Variants in SCARA5 observed in about 807,000 individuals in gnomAD.
SCARA5 encodes the protein scavenger receptor class A member 5.
In SCARA5, 45 loss-of-function variants were observed where a neutral mutation model predicts 46.3. The ratio of observed to expected loss-of-function variants is 0.97; its 90% CI spans 0.76 to 1.24. SCARA5 has a LOEUF of 1.24. Among genes scored for constraint, SCARA5 ranks in the 50% most tolerant of loss-of-function variants. The probability of loss-of-function intolerance (pLI) is 0.00; values close to 1 mark genes in which losing one functional copy is unlikely to be tolerated. For synonymous variants in SCARA5, 333 were observed against 306.5 expected (o/e 1.09, Z -0.90); for missense variants, 680 against 689.0 (o/e 0.99, Z 0.15).
rs775683206 is a variant in SCARA5 at position 27,871,958 on chromosome 8, G to A, written c.1464C>T (p.Ala488=). 5 of 1,614,238 alleles carry A rather than the reference G, an allele frequency of 3.1e-6. No individual in the cohort carries two copies. The highest frequency in any genetic ancestry group is 4.2e-6 in the Non-Finnish European group (5 of 1,180,046). ...GVTNCGHAED[A]SVTCNRH ...TTCAGTGTCTGTTGCATGTCACGCT[G>A]GCATCTTCGGCATGTCCACAGTTTG... The change falls in exon 9 of 9, where the codon GCC becomes GCT. Residue 488 remains alanine (A), a synonymous_variant. Transcript: ENST00000354914.
intron 7 of SCARA5, among the ~76,000 whole-genome samples, chr8:27,890,487 G>A (rs1442527504): frequency 6.6e-6 from 1 of 152,244 alleles, no homozygotes; most frequent in Non-Finnish European, 1.5e-5. Context: ...AACATGACAC[G>A]TGGCTGGCTG....
intron 3 of SCARA5, among the ~76,000 whole-genome samples, chr8:27,958,542 A>G (rs1471268256): frequency 6.6e-6 from 1 of 152,208 alleles, no homozygotes; most frequent in Non-Finnish European, 1.5e-5. Context: ...CCTCTCGGGA[A>G]CTGCACGCGT....
intron 2 of SCARA5, among the ~76,000 whole-genome samples, chr8:27,983,983 G>T (rs1407981200): frequency 6.6e-6 from 1 of 152,138 alleles, no homozygotes; most frequent in East Asian, 1.9e-4. Flanking sequence ...CTTGGAGCTT[G>T]TCCTGGACCT....
chr8:27,961,971 G>T (rs1008641395), intron 3 of SCARA5, among the ~76,000 whole-genome samples: 2 of 152,108 alleles, frequency 1.3e-5, no homozygotes, highest in African/African-American at 4.8e-5. Flanking sequence ...AGAATAGGCA[G>T]AAATTTTTGT....
chr8:27,963,322 G>T (rs1306148398), intron 3 of SCARA5, among the ~76,000 whole-genome samples: 3 of 152,210 alleles, frequency 2.0e-5, no homozygotes, highest in South Asian at 2.1e-4. Context: ...TTTAGTTCAT[G>T]AACTTAAACC....
At chr8:27,977,155 T>C (rs1341872592) in intron 2 of SCARA5, among the ~76,000 whole-genome samples, 1 of 152,172 alleles carries the variant, frequency 6.6e-6, no homozygotes, top group East Asian at 1.9e-4. Context: ...GTCCCTTTTA[T>C]AAGGGCACTT....
intron 2 of SCARA5, among the ~76,000 whole-genome samples, chr8:27,968,412 C>T (rs1563541377): frequency 6.6e-6 from 1 of 152,200 alleles, no homozygotes; most frequent in African/African-American, 2.4e-5. Flanking sequence ...AAATAGAGCA[C>T]ATCTTTCTAA....
chr8:27,934,724 T>C (rs1376901645), intron 3 of SCARA5, among the ~76,000 whole-genome samples: 1 of 152,190 alleles, frequency 6.6e-6, no homozygotes. Flanking sequence ...AGTGGAGCAG[T>C]GGCATGAACC....
At chr8:27,902,596 C>T (rs1807174865) in intron 7 of SCARA5, among the ~76,000 whole-genome samples, 1 of 152,224 alleles carries the variant, frequency 6.6e-6, no homozygotes, top group Admixed American at 6.5e-5. Flanking sequence ...TTTCTGATCT[C>T]AAAGCCATCT....
chr8:27,920,100 A>C (rs1361692774), intron 4 of SCARA5, among the ~76,000 whole-genome samples: 1 of 151,740 alleles, frequency 6.6e-6, no homozygotes, highest in Non-Finnish European at 1.5e-5. Context: ...GAAGAAAGGG[A>C]GTTGGGTCTC....
chr8:27,872,793 CAAAT>C lies in SCARA5; in HGVS notation c.1352-727_1352-724del, dbSNP rs199885649. 6.5e-3 allele frequency among the ~76,000 whole-genome samples: 984 copies of C among 152,320 alleles called. 21 individuals carry two copies. In the East Asian group the frequency reaches 0.083, roughly 13 times the overall value. On this transcript the variant is annotated intron_variant, in intron 8 of 8. Coordinates refer to ENST00000354914, the MANE Select transcript of SCARA5 (RefSeq NM_173833.6). The stretch of plus-strand genomic sequence containing the variant: ...ACCCAAAGCAAATAAAGAAGACTAA[CAAAT>C]AAAGAACAGTTCCAAGGTGACCCAG...
intron 7 of SCARA5, among the ~76,000 whole-genome samples, chr8:27,887,188 G>A (rs556204642): frequency 6.6e-5 from 10 of 152,226 alleles, no homozygotes; most frequent in Admixed American, 3.9e-4. Flanking sequence ...TGACTGCGAG[G>A]CACCTTCACC....
intron 2 of SCARA5, among the ~76,000 whole-genome samples, chr8:27,977,220 C>T (rs1808539400): frequency 6.6e-6 from 1 of 152,198 alleles, no homozygotes; most frequent in African/African-American, 2.4e-5. Context: ...AGAGGCCCCA[C>T]CTCCTAGTCC....
intron 2 of SCARA5, among the ~76,000 whole-genome samples, chr8:27,971,955 C>T (rs1302214913): frequency 6.6e-6 from 1 of 152,130 alleles, no homozygotes; most frequent in Non-Finnish European, 1.5e-5. Context: ...TACATTTAAA[C>T]TTAAATTTCT....
intron 7 of SCARA5, among the ~76,000 whole-genome samples, chr8:27,891,194 GGTTT>G (rs1173029085): frequency 9.5e-6 from 1 of 105,350 alleles, no homozygotes; most frequent in African/African-American, 3.0e-5. Context: ...AACTACAATA[GGTTT>G]GTTTTTTTTT....
chr8:27,922,762 G>C (rs551952413), intron 3 of SCARA5, among the ~76,000 whole-genome samples: 46 of 148,178 alleles, frequency 3.1e-4, no homozygotes, highest in African/African-American at 1.0e-3. Flanking sequence ...ATTCGAATGT[G>C]GAAACTTAAT....
chr8:27,911,160 T>C (rs2726996), intron 4 of SCARA5, among the ~76,000 whole-genome samples: 84,686 of 151,950 alleles, frequency 0.56, 24,224 homozygotes, highest in Non-Finnish European at 0.63. Context: ...GCCCACTCCT[T>C]GCAAAAACCT....
At chr8:27,953,072 C>T (rs1209328533) in intron 3 of SCARA5, among the ~76,000 whole-genome samples, 3 of 152,240 alleles carry the variant, frequency 2.0e-5, no homozygotes. Context: ...TCTCTTCCTA[C>T]AGCCCAATCC....
chr8:27,944,039 C>G (rs918356491), intron 3 of SCARA5, among the ~76,000 whole-genome samples: 52 of 152,276 alleles, frequency 3.4e-4, no homozygotes, highest in African/African-American at 1.2e-3. Context: ...GTTTAACCTA[C>G]GTCAATCATG....
Sources: gnomAD v4.1 joint callset for allele counts (sites outside exome capture counted in the v4.1 genomes callset) on GRCh38, gnomAD v4.1.1 for gene constraint, MANE v1.5 for transcripts, NCBI Gene and HGNC (gene_info 2026-07-23, HGNC 2026-07-21) for gene names.